The following ENPP7 variants were observed in gnomAD, a reference collection of about 807,000 sequenced individuals.
ENPP7 encodes the protein ectonucleotide pyrophosphatase/phosphodiesterase family member 7.
Under a neutral mutation model 33.6 loss-of-function variants are expected in ENPP7, and 39 were observed. That is an observed-to-expected ratio of 1.16 (90% CI 0.90 to 1.52). The LOEUF is 1.52. ENPP7 is among the 40% of genes most tolerant of loss of function. The pLI, the probability that ENPP7 is intolerant of heterozygous loss-of-function variation, is 0.00. For missense variants in ENPP7, 594 were observed against 641.0 expected, an observed-to-expected ratio of 0.93 and a Z score of 0.79; for synonymous variants, 244 against 274.3, an observed-to-expected ratio of 0.89 and a Z score of 1.09.
Position 79,738,984 on chromosome 17 carries a change from C to T in ENPP7, c.*16+922C>T, listed in dbSNP as rs1555824156. The T allele has an allele frequency of 1.3e-5, 2 of 152,328 alleles. No homozygotes were observed. The highest frequency in any genetic ancestry group is 2.4e-5 in the African/African-American group (1 of 41,454). 9.4% of individuals were successfully genotyped at this position (152,328 alleles called of 1,614,324 possible). On this transcript the variant is annotated intron_variant, in intron 5 of 5. Transcript: ENST00000328313. The surrounding 1 kb of genome is among the most constrained non-coding windows in gnomAD (Gnocchi z 6.2). The stretch of plus-strand genomic sequence containing the variant: ...GCAGAGAACACAAAAGCAAATGAAT[C>T]CACGCACAGAGTGCTCAGATGCTTG...
rs144007702 is a variant in ENPP7, at chr17:79,735,355, C to A, written c.712C>A (p.Arg238Ser). ...CATCGCGCGCAACCACCTCACAGAC[C>A]GCCTCAACCTGATCATCACATCCGA... ...ESIARNHLTD[R>S]LNLIITSDHG... The change falls in exon 3 of 6, where the codon CGC becomes AGC. Residue 238 changes from arginine to serine, a missense_variant. Transcript: ENST00000328313. The surrounding 1 kb of genome is among the most constrained non-coding windows in gnomAD (Gnocchi z 5.5). 3,220 of 1,613,890 alleles carry A rather than the reference C, an allele frequency of 2.0e-3. 9 individuals are homozygous for A. Among genetic ancestry groups the A allele is most frequent in the Non-Finnish European group, 2.4e-3 (2,811 of 1,180,004 alleles).
At position 79,735,379 on chromosome 17, in the gene ENPP7, G is replaced by A. The variant is rs199553695; in HGVS notation, c.736G>A (p.Asp246Asn). ...TDRLNLIITSDHGMTTVDKRA... is the reference protein window; with the variant it reads ...TDRLNLIITSNHGMTTVDKRA... ...CCGCCTCAACCTGATCATCACATCCGACCACGGCATGACGACCGTGGACAA... is the reference window on the plus strand; with the variant it reads ...CCGCCTCAACCTGATCATCACATCCAACCACGGCATGACGACCGTGGACAA... Residue 246 changes from aspartate (D) to asparagine (N), a missense_variant, in exon 3 of 6, where the codon GAC becomes AAC. By Grantham distance (23) the Asp-to-Asn change is conservative. This residue lies in a region of ENPP7 where 504 missense variants were observed against 512.8 expected (regional missense o/e 0.98). Transcript: ENST00000328313. This position sits in a 1 kb window ranked among gnomAD's most constrained non-coding sequence, Gnocchi z 5.5. The A allele has an allele frequency of 2.2e-5, 35 of 1,613,876 alleles. No homozygotes were observed. The highest frequency in any genetic ancestry group is 6.6e-5 in the South Asian group (6 of 91,078).
At chr17:79,741,643 G>A (rs1349274792) in intron 5 of ENPP7, among the ~76,000 whole-genome samples, 151 bp from the exon 6 acceptor site, 1 of 110,144 alleles carries the variant, frequency 9.1e-6, no homozygotes, top group Non-Finnish European at 1.9e-5. Flanking sequence ...TCCACTGCCT[G>A]CCGCCCCCCC....
chr17:79,734,891 T>G, intron 2 of ENPP7, 152 bp from the exon 3 acceptor site: 1 of 757,556 alleles, frequency 1.3e-6, no homozygotes, highest in Non-Finnish European at 2.1e-6. Flanking sequence ...CAGGGATGTT[T>G]TAGAAATTAA....
rs1555823952 is a variant in ENPP7, at chr17:79,737,911, CTTAGA to C, written c.1247-4_1247del. The C allele has an allele frequency of 9.9e-6, 16 of 1,613,588 alleles. No individual in the cohort carries two copies. Among genetic ancestry groups the C allele is most frequent in the Non-Finnish European group, 1.4e-5 (16 of 1,179,974 alleles). On this transcript the variant is annotated splice_acceptor_variant and splice_polypyrimidine_tract_variant and coding_sequence_variant and intron_variant, in exon 5 of 6. Coordinates refer to ENST00000328313, the MANE Select transcript of ENPP7 (RefSeq NM_178543.5). LOFTEE classifies it high-confidence loss of function. The surrounding 1 kb of genome is among the most constrained non-coding windows in gnomAD (Gnocchi z 5.5). ...CTCCCTCACAGGTCCTCTGGCTTTC[CTTAGA>C]ATCTGCTCTTCCGCCTGATGGAAGG...
At chr17:79,734,565 C>T (rs1392362484) in intron 2 of ENPP7, among the ~76,000 whole-genome samples, 2 of 151,366 alleles carry the variant, frequency 1.3e-5, no homozygotes, top group Admixed American at 6.6e-5. Flanking sequence ...GCAAGCTCTG[C>T]CTCCCGGGTT....
In ENPP7 at chr17:79,738,232, C is replaced by T. The variant is rs974870550; in HGVS notation, c.*16+170C>T. 3.2e-6 allele frequency: 2 copies of T among 628,682 alleles called. No homozygotes were observed. Among genetic ancestry groups the T allele is most frequent in the East Asian group, 2.8e-5 (1 of 35,538 alleles). 38.9% of individuals were successfully genotyped at this position (628,682 alleles called of 1,614,324 possible). A position where few individuals can be genotyped will look rare whatever the true frequency, so the allele number is the denominator to read the frequency against. On this transcript the variant is annotated intron_variant, in intron 5 of 5. Coordinates refer to ENST00000328313, the MANE Select transcript of ENPP7 (RefSeq NM_178543.5). This position sits in a 1 kb window ranked among gnomAD's most constrained non-coding sequence, Gnocchi z 6.2. Reference sequence around the variant, plus strand: ...AGAGAGGCCATCACCCCTGAGATCCCGAGGCTGACCCTTCCAGCCTCTCTG... The same window carrying T: ...AGAGAGGCCATCACCCCTGAGATCCTGAGGCTGACCCTTCCAGCCTCTCTG...
At position 79,737,654 on chromosome 17, in the gene ENPP7, T is replaced by C. The variant is rs2145795182; in HGVS notation, c.1247-262T>C. Among the ~76,000 whole-genome samples, 1 of 152,214 alleles carries C rather than the reference T, an allele frequency of 6.6e-6. No individual in the cohort carries two copies. Among genetic ancestry groups the C allele is most frequent in the African/African-American group, 2.4e-5 (1 of 41,552 alleles). On this transcript the variant is annotated intron_variant, in intron 4 of 5. Coordinates refer to ENST00000328313, the MANE Select transcript of ENPP7 (RefSeq NM_178543.5). This position sits in a 1 kb window ranked among gnomAD's most constrained non-coding sequence, Gnocchi z 5.5. ...GCCTCCCACACACACACCTCCCCACTGGAACCTGCCCCATCTTGGGGACAA... is the reference window on the plus strand; with the variant it reads ...GCCTCCCACACACACACCTCCCCACCGGAACCTGCCCCATCTTGGGGACAA...
Position 79,735,272 on chromosome 17 carries a change from C to T in ENPP7, c.629C>T (p.Pro210Leu), listed in dbSNP as rs371501251. Residue 210 changes from proline (P) to leucine (L), a missense_variant, in exon 3 of 6, where the codon CCG becomes CTG. Around this residue, in one of 3 missense-constraint regions of ENPP7, gnomAD observed 504 missense variants for 512.8 expected, o/e 0.98. Transcript: ENST00000328313. This position sits in a 1 kb window ranked among gnomAD's most constrained non-coding sequence, Gnocchi z 5.5. ...GGCCACAGGTACGGCCCCGAGTCCC[C>T]GGAGAGGAGGGAGATGGTGCGGCAG... ...STGHRYGPESPERREMVRQVD... is the reference protein window; with the variant it reads ...STGHRYGPESLERREMVRQVD... 21 of 1,613,344 alleles carry T rather than the reference C, an allele frequency of 1.3e-5. No individual in the cohort carries two copies. The highest frequency in any genetic ancestry group is 5.0e-5 in the Admixed American group (3 of 59,990).
In ENPP7 at chr17:79,735,557, C is replaced by G. The variant is rs1263330435; in HGVS notation, c.914C>G (p.Pro305Arg). ...TACGATGCCCTCAAGGACGCCCACCCCAAGCTCCACGTCTACAAGAAGGAG... is the reference window on the plus strand; with the variant it reads ...TACGATGCCCTCAAGGACGCCCACCGCAAGCTCCACGTCTACAAGAAGGAG... ...KVYDALKDAHPKLHVYKKEAF... is the reference protein window; with the variant it reads ...KVYDALKDAHRKLHVYKKEAF... The change falls in exon 3 of 6, where the codon CCC (proline) becomes CGC (arginine). Residue 305 changes from proline to arginine, a missense_variant. Coordinates refer to ENST00000328313, the MANE Select transcript of ENPP7 (RefSeq NM_178543.5). The surrounding 1 kb of genome is among the most constrained non-coding windows in gnomAD (Gnocchi z 5.5). 5 of 1,613,498 alleles carry G rather than the reference C, an allele frequency of 3.1e-6. No individual in the cohort carries two copies. The highest frequency in any genetic ancestry group is 2.5e-6 in the Non-Finnish European group (3 of 1,179,756).
intron 2 of ENPP7, 101 bp downstream of exon 2, chr17:79,733,754 A>C (rs1598199062): frequency 2.4e-6 from 3 of 1,265,774 alleles, no homozygotes; most frequent in Non-Finnish European, 3.2e-6. Context: ...TCCCTTCCCC[A>C]CTCCAGGGTC....
intron 3 of ENPP7, 100 bp from the exon 4 acceptor site, chr17:79,736,941 G>A: frequency 2.1e-6 from 2 of 931,782 alleles, no homozygotes; most frequent in Non-Finnish European, 3.4e-6. Flanking sequence ...CCTCACGTTG[G>A]TGCTCCTTCC....
Position 79,730,954 on chromosome 17 carries a change from G to C in ENPP7, c.-186G>C, listed in dbSNP as rs1598196158. On this transcript the variant is annotated 5_prime_UTR_variant, in exon 1 of 6. Transcript: ENST00000328313. ...GTTGATGCCACCCCACGCACGTGAGGCTGGGACCAGGGGTGGCACTGACAC... is the reference window on the plus strand; with the variant it reads ...GTTGATGCCACCCCACGCACGTGAGCCTGGGACCAGGGGTGGCACTGACAC... 1 of 624,138 alleles carries C rather than the reference G, an allele frequency of 1.6e-6. No homozygotes were observed. The highest frequency in any genetic ancestry group is 2.0e-5 in the South Asian group (1 of 49,580). 38.7% of individuals were successfully genotyped at this position (624,138 alleles called of 1,614,324 possible).
chr17:79,730,995 T>G lies in ENPP7; in HGVS notation c.-145T>G. The G allele has an allele frequency of 1.2e-6, 1 of 866,496 alleles. No individual in the cohort carries two copies. The highest frequency in any genetic ancestry group is 1.7e-6 in the Non-Finnish European group (1 of 581,692). 53.7% of individuals were successfully genotyped at this position (866,496 alleles called of 1,614,324 possible). A position where few individuals can be genotyped will look rare whatever the true frequency, so the allele number is the denominator to read the frequency against. ...GCACTGACACGGCTGGGGAGCCCACTCCCGAGGTTCGACCCGGGGATGTGC... is the reference window on the plus strand; with the variant it reads ...GCACTGACACGGCTGGGGAGCCCACGCCCGAGGTTCGACCCGGGGATGTGC... On this transcript the variant is annotated 5_prime_UTR_variant, in exon 1 of 6. Coordinates refer to ENST00000328313, the MANE Select transcript of ENPP7 (RefSeq NM_178543.5).
Position 79,741,980 on chromosome 17 carries a change from G to A in ENPP7, c.*203G>A. ...ATAAGCCTCGCAGCCCAGGTCCAGA[G>A]CCCCCGGCGAGCCGGTCCCATAACC... On this transcript the variant is annotated 3_prime_UTR_variant, in exon 6 of 6. Transcript: ENST00000328313. 1.0e-6 allele frequency: 1 copy of A among 984,776 alleles called. No individual in the cohort carries two copies. The highest frequency in any genetic ancestry group is 1.2e-6 in the Non-Finnish European group (1 of 829,180). 61.0% of individuals were successfully genotyped at this position (984,776 alleles called of 1,614,324 possible). A position where few individuals can be genotyped will look rare whatever the true frequency, so the allele number is the denominator to read the frequency against.
At position 79,739,121 on chromosome 17, in the gene ENPP7, T is replaced by C. The variant is rs527804390; in HGVS notation, c.*16+1059T>C. ...GGTGGATTTAGGGAGAAAACCAGAA[T>C]GACAGACACACCAGAAGAAGCCAGA... On this transcript the variant is annotated intron_variant, in intron 5 of 5. Transcript: ENST00000328313. This position sits in a 1 kb window ranked among gnomAD's most constrained non-coding sequence, Gnocchi z 4.4. The C allele has an allele frequency of 6.6e-6, 1 of 152,336 alleles. No homozygotes were observed. The highest frequency in any genetic ancestry group is 6.5e-5 in the Admixed American group (1 of 15,274). 9.4% of individuals were successfully genotyped at this position (152,336 alleles called of 1,614,324 possible).
At chr17:79,731,448 G>A (rs1338310568) in intron 1 of ENPP7, 56 bp downstream of exon 1, 3 of 1,559,246 alleles carry the variant, frequency 1.9e-6, no homozygotes, top group Non-Finnish European at 1.7e-6. Flanking sequence ...AAACCAGATG[G>A]CACAGAGCCG....
intron 1 of ENPP7, 86 bp downstream of exon 1, chr17:79,731,478 GA>G (rs1477073659): frequency 8.9e-6 from 13 of 1,465,716 alleles, no homozygotes; most frequent in Non-Finnish European, 1.1e-5. Context: ...GGATAAAGGG[GA>G]GAGGTCCTTG....
chr17:79,732,951 C>G (rs1169248118), intron 1 of ENPP7, among the ~76,000 whole-genome samples: 1 of 152,198 alleles, frequency 6.6e-6, no homozygotes, highest in Non-Finnish European at 1.5e-5. Flanking sequence ...CTCTCTGTAT[C>G]GCAGATGAGG....
Sources: allele counts gnomAD v4.1 joint callset (sites outside exome capture counted in the v4.1 genomes callset), GRCh38; gene constraint gnomAD v4.1.1; regional missense constraint gnomAD v4.1.1; non-coding constraint Gnocchi (gnomAD v3.1); transcripts MANE v1.5; gene names NCBI Gene and HGNC (gene_info 2026-07-23, HGNC 2026-07-21).